The following PSAT1 variants were observed in gnomAD, a reference collection of about 807,000 sequenced individuals.
PSAT1 encodes the protein phosphoserine aminotransferase 1, also known as phosphoserine aminotransferase.
Under a neutral mutation model 40.3 loss-of-function variants are expected in PSAT1, and 41 were observed. The observed-to-expected ratio is 1.02, with a 90% CI of 0.79 to 1.32. PSAT1 has a LOEUF of 1.32. PSAT1 is among the 40% of genes most tolerant of loss of function. The pLI, the probability that PSAT1 is intolerant of heterozygous loss-of-function variation, is 0.00. For synonymous variants in PSAT1, 147 were observed against 170.5 expected (o/e 0.86, Z 1.07); for missense variants, 406 against 455.8 (o/e 0.89, Z 0.99).
intron 2 of PSAT1, 123 bp downstream of exon 2, chr9:78,300,785 A>G (rs1828096938): frequency 5.4e-5 from 75 of 1,382,584 alleles, no homozygotes; most frequent in Non-Finnish European, 6.8e-5. Flanking sequence ...GCGTGATCAT[A>G]GTTCACTGCA....
chr9:78,327,269 A>G (rs1828515011), intron 7 of PSAT1, among the ~76,000 whole-genome samples: 1 of 151,962 alleles, frequency 6.6e-6, no homozygotes, highest in South Asian at 2.1e-4. Flanking sequence ...CCATGACAGC[A>G]ATATTTTAAG....
chr9:78,319,298 C>T (rs1828393887), intron 7 of PSAT1, among the ~76,000 whole-genome samples: 1 of 152,230 alleles, frequency 6.6e-6, no homozygotes. Context: ...CACCTTTGTT[C>T]TTGCAATGCT....
rs1828542447 is a variant in PSAT1 at position 78,329,013 on chromosome 9, A to C, written c.1040A>C (p.Asn347Thr). Residue 347 changes from asparagine to threonine, a missense_variant, in exon 9 of 9, where the codon AAT becomes ACT. Physicochemically the swap from Asn to Thr is moderately conservative, Grantham distance 65 (BLOSUM62 0). Transcript: ENST00000376588. ...SVGGIRASLY[N>T]AVTIEDVQKL... ...GGAGGCATCCGGGCCTCTCTGTATA[A>C]TGCTGTCACAATTGAAGACGTTCAG... 1 of 1,613,734 alleles carries C rather than the reference A, an allele frequency of 6.2e-7. No individual in the cohort carries two copies. The highest frequency in any genetic ancestry group is 8.5e-7 in the Non-Finnish European group (1 of 1,179,836).
chr9:78,328,370 C>T (rs2118715737), intron 8 of PSAT1, among the ~76,000 whole-genome samples, 182 bp downstream of exon 8: 1 of 152,234 alleles, frequency 6.6e-6, no homozygotes, highest in South Asian at 2.1e-4. Flanking sequence ...TTGCATAATT[C>T]CCCAGCTGAG....
At chr9:78,301,388 G>C (rs572400645) in intron 2 of PSAT1, among the ~76,000 whole-genome samples, 7 of 152,048 alleles carry the variant, frequency 4.6e-5, no homozygotes, top group Non-Finnish European at 8.8e-5. Context: ...TGAAGACCTC[G>C]CACATTGATA....
At chr9:78,309,569 G>A (rs1246231257) in intron 6 of PSAT1, among the ~76,000 whole-genome samples, 1 of 152,192 alleles carries the variant, frequency 6.6e-6, no homozygotes, top group East Asian at 1.9e-4. Flanking sequence ...CACCATGTTG[G>A]TCAGGCTGCT....
rs772958302 is a variant in PSAT1 at position 78,301,953 on chromosome 9, G to C, written c.122-1G>C. The stretch of plus-strand genomic sequence containing the variant: ...ATTGTTGTTTATCTTTCCTTTCACA[G>C]AAATGAGTCACAGGTCATCAGATTT... On this transcript the variant is annotated splice_acceptor_variant, in intron 2 of 8. Transcript: ENST00000376588. LOFTEE classifies it high-confidence loss of function. 8.1e-6 allele frequency: 13 copies of C among 1,602,474 alleles called. No homozygotes were observed. The highest frequency in any genetic ancestry group is 1.1e-5 in the Non-Finnish European group (13 of 1,169,568).
intron 7 of PSAT1, among the ~76,000 whole-genome samples, chr9:78,326,315 T>TAATA (rs1472143721): frequency 1.1e-4 from 16 of 152,148 alleles, no homozygotes; most frequent in African/African-American, 3.4e-4. Flanking sequence ...TTACACATTG[T>TAATA]ACCTTTTTTT....
chr9:78,326,955 A>ATATATATATATTTTTTTTTTTT, intron 7 of PSAT1, among the ~76,000 whole-genome samples: 12 of 75,926 alleles, frequency 1.6e-4, no homozygotes, highest in African/African-American at 1.0e-3. Context: ...ATATATATAT[A>ATATATATATATTTTTTTTTTTT]TTTTTTTTTT....
At chr9:78,313,448 C>T (rs61172725) in intron 6 of PSAT1, among the ~76,000 whole-genome samples, 1,555 of 152,224 alleles carry the variant, frequency 0.01, 25 homozygotes, top group African/African-American at 0.036. Context: ...AGGGTAGCCA[C>T]TGTTCACTGC....
chr9:78,319,649 C>T (rs1828398181), intron 7 of PSAT1, among the ~76,000 whole-genome samples: 1 of 152,190 alleles, frequency 6.6e-6, no homozygotes, highest in Non-Finnish European at 1.5e-5. Context: ...AAGAATGTGG[C>T]ATGAGCCTGG....
chr9:78,313,561 C>G (rs1317403267), intron 6 of PSAT1, among the ~76,000 whole-genome samples: 2 of 152,194 alleles, frequency 1.3e-5, no homozygotes, highest in Non-Finnish European at 2.9e-5. Context: ...ACAAATTGTT[C>G]TGTGAATTCT....
Position 78,329,141 on chromosome 9 carries a change from A to C in PSAT1, c.*55A>C. 2.3e-6 allele frequency: 3 copies of C among 1,277,538 alleles called. No individual in the cohort carries two copies. Among genetic ancestry groups the C allele is most frequent in the Non-Finnish European group, 3.4e-6 (3 of 875,404 alleles). 79.1% of individuals were successfully genotyped at this position (1,277,538 alleles called of 1,614,324 possible). On this transcript the variant is annotated 3_prime_UTR_variant, in exon 9 of 9. Coordinates refer to ENST00000376588, the MANE Select transcript of PSAT1 (RefSeq NM_058179.4). ...TTGAACAACATACAAAGTTTAAAGT[A>C]ACTTGGGGATGGCTACAAAAAGTTA... is the stretch of plus-strand genomic sequence containing the variant.
intron 6 of PSAT1, among the ~76,000 whole-genome samples, chr9:78,313,469 T>A (rs1471152671): frequency 1.3e-5 from 2 of 148,822 alleles, no homozygotes; most frequent in East Asian, 1.9e-4. Flanking sequence ...TTGCTTTGTA[T>A]CCTAACAGAC....
intron 6 of PSAT1, among the ~76,000 whole-genome samples, chr9:78,315,267 C>T (rs1040491008): frequency 3.3e-5 from 5 of 152,176 alleles, no homozygotes; most frequent in African/African-American, 7.2e-5. Context: ...TGGAGTCAGA[C>T]AGGCTAGAGT....
At chr9:78,299,825 A>G (rs1828082421) in intron 1 of PSAT1, among the ~76,000 whole-genome samples, 1 of 151,902 alleles carries the variant, frequency 6.6e-6, no homozygotes, top group South Asian at 2.1e-4. Context: ...CTAATTCTTT[A>G]TTGTTAAAAT....
intron 3 of PSAT1, among the ~76,000 whole-genome samples, chr9:78,303,105 AACCCCACTAATCAGGGATAATC>A (rs1195390863): frequency 6.6e-6 from 1 of 152,234 alleles, no homozygotes; most frequent in East Asian, 1.9e-4. Context: ...AATTAACTTT[AACCCCACTAATCAGGGATAATC>A]ACTAATATGT....
At chr9:78,326,951 A>T (rs1377916078) in intron 7 of PSAT1, among the ~76,000 whole-genome samples, 11 of 84,440 alleles carry the variant, frequency 1.3e-4, no homozygotes, top group African/African-American at 8.0e-4. Flanking sequence ...ATATATATAT[A>T]TATATTTTTT....
chr9:78,325,027 C>T (rs539923844), intron 7 of PSAT1, among the ~76,000 whole-genome samples: 1 of 152,216 alleles, frequency 6.6e-6, no homozygotes, highest in Non-Finnish European at 1.5e-5. Context: ...AAACCCATAG[C>T]ATGAGACATT....
Sources: allele counts gnomAD v4.1 joint callset (sites outside exome capture counted in the v4.1 genomes callset), GRCh38; gene constraint gnomAD v4.1.1; transcripts MANE v1.5; gene names NCBI Gene and HGNC (gene_info 2026-07-23, HGNC 2026-07-21).